The following RANBP2 variants were observed in gnomAD, a reference collection of about 807,000 sequenced individuals.
RANBP2 encodes the protein E3 SUMO-protein ligase RanBP2.
In RANBP2, 57 loss-of-function variants were observed where a neutral mutation model predicts 303.6. The ratio of observed to expected loss-of-function variants is 0.19; its 90% CI spans 0.15 to 0.23. RANBP2 has a LOEUF of 0.23. Ranked by LOEUF, RANBP2 falls within the 10% of genes least tolerant of loss-of-function variation. RANBP2 has a pLI of 1.00. For synonymous variants in RANBP2, 1,167 were observed against 1,301.5 expected (o/e 0.90, Z 2.23); for missense variants, 3,138 against 3,780.8 (o/e 0.83, Z 4.46).
the RANBP2 span, chr2:109,617,880 G>A: frequency 1.2e-5 from 2 of 160,326 alleles, no homozygotes; most frequent in African/African-American, 4.8e-5. Context: ...TTAGCCGAGC[G>A]TGGTGGTGCG....
chr2:108,794,852 G>A, the RANBP2 span: 2 of 681,872 alleles, frequency 2.9e-6, no homozygotes, highest in Admixed American at 3.1e-5. Context: ...GGACGGAAGG[G>A]GACAAACTCA....
chr2:109,297,055 A>G, the RANBP2 span, among the ~76,000 whole-genome samples: 17 of 151,950 alleles, frequency 1.1e-4, no homozygotes, highest in Admixed American at 2.0e-4. Context: ...GGTGGGGCCA[A>G]CTAGACTGCA....
chr2:109,566,309 C>T, the RANBP2 span, among the ~76,000 whole-genome samples: 3 of 151,788 alleles, frequency 2.0e-5, no homozygotes, highest in African/African-American at 4.8e-5. Context: ...TTAGTAGAGA[C>T]GGCGTTTCAC....
At chr2:109,476,686 G>C in the RANBP2 span, among the ~76,000 whole-genome samples, 241 of 152,326 alleles carry the variant, frequency 1.6e-3, no homozygotes, top group Non-Finnish European at 2.6e-3. Context: ...AAAGAATTCA[G>C]GGTGAGTCTG....
the RANBP2 span, among the ~76,000 whole-genome samples, chr2:109,274,508 T>C: frequency 0.024 from 3,719 of 152,206 alleles, 144 homozygotes; most frequent in African/African-American, 0.085. Flanking sequence ...TCAAAAACAT[T>C]ATGCTCAAAA....
At chr2:109,105,194 T>C in the RANBP2 span, among the ~76,000 whole-genome samples, 1 of 152,218 alleles carries the variant, frequency 6.6e-6, no homozygotes, top group African/African-American at 2.4e-5. Flanking sequence ...ATTTCAAGAG[T>C]TGGGCAAGTG....
the RANBP2 span, among the ~76,000 whole-genome samples, chr2:108,794,177 A>G: frequency 6.6e-6 from 1 of 152,176 alleles, no homozygotes; most frequent in East Asian, 1.9e-4. Flanking sequence ...AGCATGTAAC[A>G]CTTACTTGCA....
chr2:109,608,401 A>T, the RANBP2 span, among the ~76,000 whole-genome samples: 1 of 152,216 alleles, frequency 6.6e-6, no homozygotes, highest in Non-Finnish European at 1.5e-5. Flanking sequence ...TATCCCCATA[A>T]ATACAGACCA....
At chr2:109,680,853 G>A in the RANBP2 span, among the ~76,000 whole-genome samples, 52 of 152,318 alleles carry the variant, frequency 3.4e-4, no homozygotes, top group African/African-American at 1.1e-3. Context: ...TGGCAAGGAC[G>A]CAGAGCAAGT....
chr2:108,962,440 G>A, the RANBP2 span, among the ~76,000 whole-genome samples: 3 of 152,024 alleles, frequency 2.0e-5, no homozygotes, highest in Non-Finnish European at 1.5e-5. Context: ...TTGGGAGGCC[G>A]AGGCTGGTGG....
At chr2:108,786,493 C>T (rs141648056), downstream of RANBP2, among the ~76,000 whole-genome samples, 686 of 152,282 alleles carry the variant, frequency 4.5e-3, 3 homozygotes, top group East Asian at 8.1e-3. Context: ...CCAAACTTAA[C>T]AGGTTAAATG....
chr2:109,100,360 G>C, the RANBP2 span, among the ~76,000 whole-genome samples: 2 of 152,192 alleles, frequency 1.3e-5, no homozygotes, highest in African/African-American at 4.8e-5. Flanking sequence ...AGGGATCTAG[G>C]TTGCAATCTC....
chr2:109,584,424 G>A, the RANBP2 span, among the ~76,000 whole-genome samples: 5 of 119,632 alleles, frequency 4.2e-5, no homozygotes, highest in African/African-American at 1.4e-4. Context: ...GCAGTGAGTC[G>A]AAATCATGCC....
chr2:109,398,310 G>T, the RANBP2 span, among the ~76,000 whole-genome samples: 26 of 152,184 alleles, frequency 1.7e-4, no homozygotes, highest in African/African-American at 6.0e-4. Flanking sequence ...GCCAGCAGTT[G>T]AAAAGATTGG....
chr2:108,891,319 A>G, the RANBP2 span, among the ~76,000 whole-genome samples: 2 of 152,220 alleles, frequency 1.3e-5, no homozygotes, highest in African/African-American at 4.8e-5. Context: ...AATTTCTTTC[A>G]TAGAAGAAGA....
chr2:108,805,083 A>G, the RANBP2 span: 3 of 818,638 alleles, frequency 3.7e-6, no homozygotes, highest in East Asian at 6.7e-5. Flanking sequence ...AATTAAAGTC[A>G]GCCTTAGAAC....
chr2:109,170,165 C>T, the RANBP2 span, among the ~76,000 whole-genome samples: 3 of 152,118 alleles, frequency 2.0e-5, no homozygotes, highest in East Asian at 1.9e-4. Flanking sequence ...ATACCATCGT[C>T]GGCTCTTGTT....
At chr2:108,791,481 C>G in the RANBP2 span, 4 of 607,746 alleles carry the variant, frequency 6.6e-6, no homozygotes, top group East Asian at 1.4e-4. Context: ...GAAAAAGATG[C>G]TTGTAGTGGG....
chr2:108,793,079 C>G, the RANBP2 span, among the ~76,000 whole-genome samples: 1 of 143,456 alleles, frequency 7.0e-6, no homozygotes, highest in African/African-American at 2.6e-5. Flanking sequence ...AAAGCAAGGC[C>G]GGGCACGGTG....
Sources: allele counts gnomAD v4.1 joint callset (sites outside exome capture counted in the v4.1 genomes callset), GRCh38; gene constraint gnomAD v4.1.1; transcripts MANE v1.5; gene names NCBI Gene and HGNC (gene_info 2026-07-23, HGNC 2026-07-21).